Variants in HOOK1 observed in about 807,000 individuals in gnomAD.
HOOK1 encodes the protein protein Hook homolog 1.
A neutral mutation model predicts 112.8 loss-of-function variants in HOOK1; 60 were observed. The ratio of observed to expected loss-of-function variants is 0.53; its 90% CI spans 0.43 to 0.66. The LOEUF (loss-of-function observed/expected upper bound fraction) is 0.66, where lower values mean the gene tolerates loss of function less well. Ranked by LOEUF, HOOK1 falls within the 30% of genes least tolerant of loss-of-function variation. The pLI is 0.00. For missense variants in HOOK1, 770 were observed against 856.0 expected (o/e 0.90, Z 1.25); for synonymous variants, 294 against 283.8 (o/e 1.04, Z -0.36).
intron 13 of HOOK1, 53 bp downstream of exon 13, chr1:59,858,568 C>T: frequency 8.6e-7 from 1 of 1,156,872 alleles, no homozygotes; most frequent in Non-Finnish European, 1.3e-6. Flanking sequence ...TAGTGGGACT[C>T]CATTCAACAA....
intron 2 of HOOK1, among the ~76,000 whole-genome samples, chr1:59,825,351 T>C (rs1282728187): frequency 6.6e-6 from 1 of 152,260 alleles, no homozygotes; most frequent in Non-Finnish European, 1.5e-5. Flanking sequence ...TCTCTGTTCC[T>C]ATTGTCTTTG....
chr1:59,815,832 C>A (rs1006708542), intron 1 of HOOK1, among the ~76,000 whole-genome samples: 1 of 151,978 alleles, frequency 6.6e-6, no homozygotes, highest in African/African-American at 2.4e-5. Context: ...TCTAAATGGA[C>A]AGCATTTTCT....
chr1:59,818,808 TG>T (rs1054417988), intron 1 of HOOK1, among the ~76,000 whole-genome samples: 1 of 152,208 alleles, frequency 6.6e-6, no homozygotes, highest in African/African-American at 2.4e-5. Flanking sequence ...TTGTTTTTTT[TG>T]TAATGAGCAG....
intron 2 of HOOK1, among the ~76,000 whole-genome samples, chr1:59,825,631 T>C (rs1367776827): frequency 1.3e-5 from 2 of 152,204 alleles, no homozygotes; most frequent in Non-Finnish European, 2.9e-5. Context: ...GAGGTATAAG[T>C]AGTTGAAATT....
rs1257833158 is a variant in HOOK1, at chr1:59,875,682, A to C, written c.*2717A>C. ...CAATTTGCAAATGATCTTCAATGTT[A>C]AGCACTTGCTCTAAGATTAAAATTC... On this transcript the variant is annotated 3_prime_UTR_variant, in exon 22 of 22. Transcript: ENST00000371208. 6.6e-6 allele frequency: 1 copy of C among 152,224 alleles called. No individual in the cohort carries two copies. Among genetic ancestry groups the C allele is most frequent in the Non-Finnish European group, 1.5e-5 (1 of 68,014 alleles). The allele number at this position is 152,224 out of a possible 1,614,324, so 9.4% of individuals were successfully genotyped here.
intron 19 of HOOK1, among the ~76,000 whole-genome samples, chr1:59,867,028 A>G (rs570717689): frequency 5.9e-5 from 9 of 152,332 alleles, no homozygotes; most frequent in Non-Finnish European, 7.4e-5. Context: ...AACTAATTGA[A>G]CAAAACCATG....
intron 2 of HOOK1, among the ~76,000 whole-genome samples, chr1:59,826,208 T>C (rs1574177936): frequency 6.6e-6 from 1 of 152,188 alleles, no homozygotes; most frequent in East Asian, 1.9e-4. Context: ...TTTGGTTCAT[T>C]AGTCCTGTGT....
At chr1:59,834,373 A>G (rs1278349523) in intron 5 of HOOK1, among the ~76,000 whole-genome samples, 1 of 152,232 alleles carries the variant, frequency 6.6e-6, no homozygotes, top group Non-Finnish European at 1.5e-5. Context: ...GAAAAATAAA[A>G]CAAAATACAT....
chr1:59,862,477 G>T (rs2098414135), intron 15 of HOOK1, among the ~76,000 whole-genome samples: 2 of 152,082 alleles, frequency 1.3e-5, no homozygotes, highest in Admixed American at 1.3e-4. Context: ...TAGAAAAATT[G>T]AGCTGGTTTT....
intron 12 of HOOK1, among the ~76,000 whole-genome samples, chr1:59,850,403 T>G (rs1352673917): frequency 6.6e-6 from 1 of 151,412 alleles, no homozygotes; most frequent in Non-Finnish European, 1.5e-5. Context: ...TTTCCTTTTG[T>G]TGCTTGTCTT....
rs2098388552 is a variant in HOOK1 at position 59,824,699 on chromosome 1, C to T, written c.149+2756C>T. Among the ~76,000 whole-genome samples, 4 of 152,208 alleles carry T rather than the reference C, an allele frequency of 2.6e-5. No individual in the cohort carries two copies. In the South Asian group the frequency reaches 8.3e-4, roughly 32 times the overall value. ...TAGTAATATCTTTATAAAGTGGTGT[C>T]TAAACTGTTTAACTTAGACATAAAG... On this transcript the variant is annotated intron_variant, in intron 2 of 21. Transcript: ENST00000371208.
intron 9 of HOOK1, among the ~76,000 whole-genome samples, chr1:59,844,044 G>A (rs569979515): frequency 2.0e-5 from 3 of 152,012 alleles, no homozygotes; most frequent in African/African-American, 7.2e-5. Context: ...TATCTTTTGT[G>A]TGCATACCAC....
chr1:59,825,403 T>C lies in HOOK1; in HGVS notation c.150-3377T>C, dbSNP rs183595776. Among the ~76,000 whole-genome samples the C allele has an allele frequency of 9.2e-5, 14 of 152,326 alleles. No homozygotes were observed. In the East Asian group the frequency reaches 2.7e-3, roughly 29 times the overall value. ...GTAAGAGGGAGAAGAATGAGACAGA[T>C]AATGTAGGATATTCAGAGACCTTAA... On this transcript the variant is annotated intron_variant, in intron 2 of 21. Coordinates refer to ENST00000371208, the MANE Select transcript of HOOK1 (RefSeq NM_015888.6).
At position 59,859,097 on chromosome 1, in the gene HOOK1, T is replaced by C. The variant is rs558735733; in HGVS notation, c.1391+52T>C. 7.8e-6 allele frequency: 7 copies of C among 903,002 alleles called. No homozygotes were observed. In the East Asian group the frequency reaches 2.4e-4, roughly 31 times the overall value. The allele number at this position is 903,002 out of a possible 1,614,324, so 55.9% of individuals were successfully genotyped here. ...ATTATATTTAATATTATAATTTTTT[T>C]GTTTTTTGTAAATGTCTTGGCCTTT... On this transcript the variant is annotated intron_variant, in intron 14 of 21. Coordinates refer to ENST00000371208, the MANE Select transcript of HOOK1 (RefSeq NM_015888.6).
rs1196497949 is a variant in HOOK1 at position 59,858,479 on chromosome 1, T to C, written c.1294T>C (p.Cys432Arg). 2.5e-6 allele frequency: 4 copies of C among 1,613,308 alleles called. No homozygotes were observed. The highest frequency in any genetic ancestry group is 2.7e-5 in the African/African-American group (2 of 74,920). ...GAAAGAAACAAATGAAGAGCTTCGATGTTCACAAGTACAACAGGACCACCT... is the reference window on the plus strand; with the variant it reads ...GAAAGAAACAAATGAAGAGCTTCGACGTTCACAAGTACAACAGGACCACCT... ...TLKETNEELRCSQVQQDHLNQ... is the reference protein window; with the variant it reads ...TLKETNEELRRSQVQQDHLNQ... The change falls in exon 13 of 22, where the codon TGT becomes CGT. Residue 432 changes from cysteine to arginine, a missense_variant. By Grantham distance (180) the Cys-to-Arg change is radical. This residue lies in a region of HOOK1 where 655 missense variants were observed against 725.9 expected (regional missense o/e 0.90). Coordinates refer to ENST00000371208, the MANE Select transcript of HOOK1 (RefSeq NM_015888.6).
chr1:59,864,987 A>AT (rs1643933952), intron 17 of HOOK1, 176 bp from the exon 18 acceptor site: 1 of 579,796 alleles, frequency 1.7e-6, no homozygotes, highest in Non-Finnish European at 3.1e-6. Flanking sequence ...AAATAATTTA[A>AT]CCTTTTTGGC....
At chr1:59,816,669 C>T (rs1346514182) in intron 1 of HOOK1, among the ~76,000 whole-genome samples, 2 of 152,294 alleles carry the variant, frequency 1.3e-5, no homozygotes, top group Admixed American at 1.3e-4. Flanking sequence ...GAGCTAGGCA[C>T]TGGGGAGGAC....
At chr1:59,823,209 A>G (rs1201470521) in intron 2 of HOOK1, among the ~76,000 whole-genome samples, 4 of 152,080 alleles carry the variant, frequency 2.6e-5, no homozygotes, top group Non-Finnish European at 5.9e-5. Flanking sequence ...AGTCCCAGCT[A>G]CTCGGGAGGC....
rs148791511 is a variant in HOOK1 at position 59,871,591 on chromosome 1, C to T, written c.2016+481C>T. On this transcript the variant is annotated intron_variant, in intron 21 of 21. Coordinates refer to ENST00000371208, the MANE Select transcript of HOOK1 (RefSeq NM_015888.6). ...TCCAGGGGTTACTCTTCCTATTTGT[C>T]TCTTTGTACTACCAAGGAGAAAATA... 4.6e-3 allele frequency among the ~76,000 whole-genome samples: 704 copies of T among 152,166 alleles called. 9 individuals are homozygous for T. Among genetic ancestry groups the T allele is most frequent in the African/African-American group, 0.014 (578 of 41,520 alleles).
Sources: allele counts gnomAD v4.1 joint callset (sites outside exome capture counted in the v4.1 genomes callset), GRCh38; gene constraint gnomAD v4.1.1; regional missense constraint gnomAD v4.1.1; transcripts MANE v1.5; gene names NCBI Gene and HGNC (gene_info 2026-07-23, HGNC 2026-07-21).